The following AFF2 variants were observed in gnomAD, a reference collection of about 807,000 sequenced individuals.
The protein encoded by AFF2 is ALF transcription elongation factor 2.
Under a neutral mutation model 76.9 loss-of-function variants are expected in AFF2, and 14 were observed. The observed-to-expected ratio is 0.18, with a 90% CI of 0.12 to 0.28. AFF2 has a LOEUF of 0.28. AFF2 is among the 10% of genes least tolerant of loss of function. The probability of loss-of-function intolerance (pLI) is 1.00; values close to 1 mark genes in which losing one functional copy is unlikely to be tolerated. For synonymous variants in AFF2, 398 were observed against 366.7 expected, an observed-to-expected ratio of 1.09 and a Z score of -0.98; for missense variants, 868 against 1,001.1, an observed-to-expected ratio of 0.87 and a Z score of 1.79.
intron 16 of AFF2, among the ~76,000 whole-genome samples, chrX:148,975,933 G>C (rs1167111460): frequency 6.7e-5 from 1 of 14,947 alleles, no homozygotes; most frequent in Non-Finnish European, 2.6e-4. Context: ...GACAGAGCGA[G>C]ACTCCGTCTC....
intron 3 of AFF2, among the ~76,000 whole-genome samples, chrX:148,696,305 G>T (rs941474587): frequency 3.7e-5 from 4 of 109,363 alleles, no homozygotes; most frequent in African/African-American, 1.0e-4. Flanking sequence ...GTTGTGGGGT[G>T]GGGGGAGAGG....
intron 3 of AFF2, among the ~76,000 whole-genome samples, chrX:148,699,355 C>G (rs782340443): frequency 3.6e-5 from 4 of 112,378 alleles, no homozygotes; most frequent in Admixed American, 9.4e-5. Context: ...TATGACGCCC[C>G]TGCCAGTCAG....
At chrX:148,592,377 T>C (rs1375669447) in intron 1 of AFF2, among the ~76,000 whole-genome samples, 3 of 110,704 alleles carry the variant, frequency 2.7e-5, no homozygotes, top group African/African-American at 9.9e-5. Context: ...CATTTTCCCA[T>C]TTATCCCTTA....
At chrX:148,601,062 A>G (rs1453199433) in intron 1 of AFF2, among the ~76,000 whole-genome samples, 2 of 112,727 alleles carry the variant, frequency 1.8e-5, no homozygotes, top group Non-Finnish European at 3.7e-5. Context: ...GAAAGGAGTT[A>G]CATTTCATTC....
chrX:148,745,889 C>G (rs1569554757), intron 3 of AFF2, among the ~76,000 whole-genome samples: 2 of 110,704 alleles, frequency 1.8e-5, no homozygotes, highest in African/African-American at 6.6e-5. Context: ...ACTACAGGTG[C>G]CTGCCACCAC....
chrX:148,992,729 C>G lies in AFF2; in HGVS notation c.*1397C>G, dbSNP rs1374236584. 1 of 112,018 alleles carries G rather than the reference C, an allele frequency of 8.9e-6. No homozygotes were observed. Among genetic ancestry groups the G allele is most frequent in the Non-Finnish European group, 1.9e-5 (1 of 53,178 alleles). The allele number at this position is 112,018 out of a possible 1,213,427, so 9.2% of individuals were successfully genotyped here. On this transcript the variant is annotated 3_prime_UTR_variant, in exon 21 of 21. Transcript: ENST00000370460. Reference sequence around the variant, plus strand: ...GACATTTCTCACTGGTTGTGACTACCCCCTTATGATCCTTCACATTCATTT... The same window carrying G: ...GACATTTCTCACTGGTTGTGACTACGCCCTTATGATCCTTCACATTCATTT...
At chrX:148,520,767 A>C (rs1480221533) in intron 1 of AFF2, among the ~76,000 whole-genome samples, 2 of 112,329 alleles carry the variant, frequency 1.8e-5, no homozygotes, top group Non-Finnish European at 3.8e-5. Context: ...AATAATTTTA[A>C]TCACTATACC....
At chrX:148,747,354 A>G (rs1177220082) in intron 3 of AFF2, among the ~76,000 whole-genome samples, 4 of 111,847 alleles carry the variant, frequency 3.6e-5, no homozygotes, top group Non-Finnish European at 5.6e-5. Flanking sequence ...TAATTTTTGA[A>G]TGAACAAAAG....
At chrX:148,508,524 C>T (rs781809456) in intron 1 of AFF2, among the ~76,000 whole-genome samples, 25 of 111,421 alleles carry the variant, frequency 2.2e-4, no homozygotes, top group African/African-American at 8.1e-4. Context: ...ACCAACCAAG[C>T]AGATGGAATG....
intron 1 of AFF2, among the ~76,000 whole-genome samples, chrX:148,651,111 G>A (rs1191247704): frequency 8.9e-6 from 1 of 112,225 alleles, no homozygotes. Context: ...TTAATTTGCA[G>A]TCTTGCATGA....
At chrX:148,554,880 G>C (rs1470417243) in intron 1 of AFF2, among the ~76,000 whole-genome samples, 1 of 112,418 alleles carries the variant, frequency 8.9e-6, no homozygotes, top group Non-Finnish European at 1.9e-5. Context: ...TGCCCAAGAC[G>C]CTGGCAGAGT....
chrX:148,663,994 T>C (rs1463590828), intron 3 of AFF2, among the ~76,000 whole-genome samples: 1 of 111,946 alleles, frequency 8.9e-6, no homozygotes, highest in Non-Finnish European at 1.9e-5. Flanking sequence ...TCAAGTCTTG[T>C]CAAGCTTCCT....
At chrX:148,716,777 T>C (rs782589522) in intron 3 of AFF2, among the ~76,000 whole-genome samples, 3 of 111,854 alleles carry the variant, frequency 2.7e-5, no homozygotes, top group Non-Finnish European at 3.8e-5. Flanking sequence ...TTGTGGCCTC[T>C]GTCTTCCTTC....
chrX:148,585,763 C>A (rs1557245810), intron 1 of AFF2, among the ~76,000 whole-genome samples: 1 of 106,518 alleles, frequency 9.4e-6, no homozygotes, highest in East Asian at 3.0e-4. Context: ...ATGGTGTGAA[C>A]CCGGCAAGTG....
At position 148,970,215 on chromosome X, in the gene AFF2, A is replaced by T. The variant is rs145127865; in HGVS notation, c.3267+2523A>T. ...TTGATTGAAACCGATATTTCTCCACAGTAGCTTACAGAAAGAAAACCACAG... is the reference window on the plus strand; with the variant it reads ...TTGATTGAAACCGATATTTCTCCACTGTAGCTTACAGAAAGAAAACCACAG... On this transcript the variant is annotated intron_variant, in intron 15 of 20. Coordinates refer to ENST00000370460, the MANE Select transcript of AFF2 (RefSeq NM_002025.4). Among the ~76,000 whole-genome samples, 285 of 112,415 alleles carry T rather than the reference A, an allele frequency of 2.5e-3. 1 individual carries two copies. Among genetic ancestry groups the T allele is most frequent in the Non-Finnish European group, 4.3e-3 (228 of 53,303 alleles).
At chrX:148,942,820 A>G (rs1480628569) in intron 9 of AFF2, among the ~76,000 whole-genome samples, 8 of 15,252 alleles carry the variant, frequency 5.2e-4, no homozygotes, top group South Asian at 0.038. Flanking sequence ...CATCTCAGAA[A>G]AAAAAAAAAA....
At chrX:148,719,671 A>T (rs1223879258) in intron 3 of AFF2, among the ~76,000 whole-genome samples, 2 of 111,963 alleles carry the variant, frequency 1.8e-5, no homozygotes, top group Non-Finnish European at 3.8e-5. Context: ...ACAAACAACG[A>T]TAACAAAACA....
chrX:148,873,766 C>G (rs1557277611), intron 7 of AFF2, among the ~76,000 whole-genome samples: 2 of 111,254 alleles, frequency 1.8e-5, no homozygotes, highest in African/African-American at 6.5e-5. Flanking sequence ...TATTGTGAGA[C>G]AGAGACAAGG....
At chrX:148,829,259 A>G (rs781851947) in intron 4 of AFF2, among the ~76,000 whole-genome samples, 1 of 112,276 alleles carries the variant, frequency 8.9e-6, no homozygotes, top group Non-Finnish European at 1.9e-5. Context: ...TTGATTTTAC[A>G]CTTCCTCTCT....
Sources: gnomAD v4.1 joint callset for allele counts (sites outside exome capture counted in the v4.1 genomes callset) on GRCh38, gnomAD v4.1.1 for gene constraint, MANE v1.5 for transcripts, NCBI Gene and HGNC (gene_info 2026-07-23, HGNC 2026-07-21) for gene names.